Variants in COL6A3 observed in about 807,000 individuals in gnomAD.
The protein encoded by COL6A3 is collagen type VI alpha 3 chain.
In COL6A3, 137 loss-of-function variants were observed where a neutral mutation model predicts 274.1. The ratio of observed to expected loss-of-function variants is 0.50; its 90% CI spans 0.44 to 0.58. The LOEUF is 0.58. Ranked by LOEUF, COL6A3 falls within the 20% of genes least tolerant of loss-of-function variation. The probability of loss-of-function intolerance (pLI) is 0.00; values close to 1 mark genes in which losing one functional copy is unlikely to be tolerated. For synonymous variants in COL6A3, 1,650 were observed against 1,650.6 expected (o/e 1.00, Z 0.01); for missense variants, 3,950 against 4,124.9 (o/e 0.96, Z 1.16).
rs886043891 is a variant in COL6A3 at position 237,342,102 on chromosome 2, G to A, written c.7728C>T (p.Asp2576=). 16 of 1,614,252 alleles carry A rather than the reference G, an allele frequency of 9.9e-6. No individual in the cohort carries two copies. The highest frequency in any genetic ancestry group is 1.3e-5 in the Non-Finnish European group (15 of 1,180,046). The part of the protein sequence containing the change: ...LVLPAGRDLT[D]FLENVLTCHV... ...GACACGTGAGGACATTCTCCAGGAA[G>A]TCTGTGAGGTCTCTCCCTGCAGGCA... Residue 2576 remains aspartate, a synonymous_variant, in exon 37 of 44, where the codon GAC becomes GAT. Transcript: ENST00000295550.
Position 237,344,779 on chromosome 2 carries a change from G to A in COL6A3, c.7239C>T (p.Val2413=). 1 of 1,604,754 alleles carries A rather than the reference G, an allele frequency of 6.2e-7. No individual in the cohort carries two copies. Among genetic ancestry groups the A allele is most frequent in the Non-Finnish European group, 8.5e-7 (1 of 1,176,082 alleles). ...LAFALDTSEG[V]NQDTFGRMRD... ...GCATCCGGCCGAAAGTGTCTTGGTT[G>A]ACTCCCTCAGAGGTGTCTAAAGCAA... Residue 2413 remains valine, a synonymous_variant, in exon 36 of 44, where the codon GTC becomes GTT. Coordinates refer to ENST00000295550, the MANE Select transcript of COL6A3 (RefSeq NM_004369.4). The surrounding 1 kb of genome is among the most constrained non-coding windows in gnomAD (Gnocchi z 4.8).
In COL6A3 at chr2:237,367,092, T is replaced by C; in HGVS notation, c.5095A>G (p.Lys1699Glu). 6.2e-7 allele frequency: 1 copy of C among 1,614,218 alleles called. No homozygotes were observed. The highest frequency in any genetic ancestry group is 1.1e-5 in the South Asian group (1 of 91,076). The change falls in exon 11 of 44, where the codon AAG becomes GAG. Residue 1699 changes from lysine to glutamate, a missense_variant. This residue lies in a region of COL6A3 where 632 missense variants were observed against 623.4 expected (regional missense o/e 1.01). Transcript: ENST00000295550. ...DEFFLKDFST[K>E]RQIIDAINKV... ...TTGATGGCGTCAATAATCTGCCTCT[T>C]GGTAGAGAAGTCCTTCAGGAAGAAT...
At chr2:237,353,272 C>T in intron 25 of COL6A3, 69 bp downstream of exon 25, 3 of 1,469,004 alleles carry the variant, frequency 2.0e-6, no homozygotes, top group Non-Finnish European at 2.8e-6. Context: ...GATATAAATG[C>T]CACCCAATCA....
At chr2:237,352,477 C>A (rs376326192) in intron 26 of COL6A3, 45 bp downstream of exon 26, 1 of 1,566,026 alleles carries the variant, frequency 6.4e-7, no homozygotes, top group Admixed American at 1.7e-5. Flanking sequence ...TGGCAATGTG[C>A]CCTCTGTTCA....
In COL6A3 at chr2:237,368,799, T is replaced by C. The variant is rs753228959; in HGVS notation, c.4664A>G (p.Asp1555Gly). 2 of 1,614,196 alleles carry C rather than the reference T, an allele frequency of 1.2e-6. No homozygotes were observed. The highest frequency in any genetic ancestry group is 2.2e-5 in the South Asian group (2 of 91,078). Reference sequence around the variant, plus strand: ...GATCACCTGGGCGAACCTGGACACATCGTCCTGGGATTTTCCACCCAGGAC... The same window carrying C: ...GATCACCTGGGCGAACCTGGACACACCGTCCTGGGATTTTCCACCCAGGAC... The part of the protein sequence containing the change: ...VLVLGGKSQD[D>G]VSRFAQVIRS... Residue 1555 changes from aspartate (D) to glycine (G), a missense_variant, in exon 10 of 44, where the codon GAT becomes GGT. Physicochemically the swap from Asp to Gly is moderately conservative, Grantham distance 94. This residue lies in a region of COL6A3 where 632 missense variants were observed against 623.4 expected (regional missense o/e 1.01). Transcript: ENST00000295550. The surrounding 1 kb of genome is among the most constrained non-coding windows in gnomAD (Gnocchi z 4.4).
chr2:237,405,011 G>A (rs1035406641), intron 1 of COL6A3, among the ~76,000 whole-genome samples: 1 of 152,124 alleles, frequency 6.6e-6, no homozygotes, highest in Non-Finnish European at 1.5e-5. Context: ...TAAATACACT[G>A]TGCACAGGAA....
In COL6A3 at chr2:237,378,924, T is replaced by G; in HGVS notation, c.2209A>C (p.Ser737Arg). The change falls in exon 6 of 44, where the codon AGC (serine) becomes CGC (arginine). Residue 737 changes from serine to arginine, a missense_variant. Physicochemically the swap from Ser to Arg is moderately radical, Grantham distance 110. Coordinates refer to ENST00000295550, the MANE Select transcript of COL6A3 (RefSeq NM_004369.4). ...YANHFTEAGG[S>R]RIREHVPQLL... ...TGCGGCACGTGTTCACGGATCCTGC[T>G]GCCGCCAGCTTCCGTGAAGTGGTTG... is the stretch of plus-strand genomic sequence containing the variant. The G allele has an allele frequency of 6.2e-7, 1 of 1,614,242 alleles. No individual in the cohort carries two copies. Among genetic ancestry groups the G allele is most frequent in the Non-Finnish European group, 8.5e-7 (1 of 1,180,038 alleles).
rs773052144 is a variant in COL6A3 at position 237,334,808 on chromosome 2, C to G, written c.9047G>C (p.Gly3016Ala). The change falls in exon 41 of 44, where the codon GGT (glycine) becomes GCT (alanine). Residue 3016 changes from glycine to alanine, a missense_variant. This residue lies in a region of COL6A3 where 1,284 missense variants were observed against 1,349.7 expected (regional missense o/e 0.95). Coordinates refer to ENST00000295550, the MANE Select transcript of COL6A3 (RefSeq NM_004369.4). ...KLHWERAEPP[G>A]PYFYDLTVTS... ...GACGGTGAGGTCATAAAAATAAGGA[C>G]CGGGGGGCTCAGCCCTCTCCCAGTG... 3 of 1,614,032 alleles carry G rather than the reference C, an allele frequency of 1.9e-6. No homozygotes were observed. Among genetic ancestry groups the G allele is most frequent in the Non-Finnish European group, 2.5e-6 (3 of 1,180,030 alleles).
intron 26 of COL6A3, 92 bp downstream of exon 26, chr2:237,352,430 T>C (rs573430062): frequency 1.7e-4 from 217 of 1,288,044 alleles, no homozygotes; most frequent in South Asian, 1.2e-3. Context: ...GAGGTCTGTC[T>C]ACAATAGCAT....
intron 1 of COL6A3, among the ~76,000 whole-genome samples, chr2:237,402,065 T>C (rs1181942786): frequency 1.3e-5 from 2 of 152,204 alleles, no homozygotes; most frequent in Admixed American, 1.3e-4. Context: ...TCCTTTTATC[T>C]ACTACAACAT....
At chr2:237,353,701 G>A (rs756503807) in intron 24 of COL6A3, among the ~76,000 whole-genome samples, 3 of 152,128 alleles carry the variant, frequency 2.0e-5, no homozygotes, top group African/African-American at 7.2e-5. Flanking sequence ...GGGAAGTTGC[G>A]GGTTGCTGAT....
chr2:237,327,984 A>G (rs1364602864), intron 42 of COL6A3: 3 of 152,050 alleles, frequency 2.0e-5, no homozygotes, highest in Admixed American at 6.5e-5. Flanking sequence ...TCTGCCCCCC[A>G]GGTATAACCT....
intron 6 of COL6A3, among the ~76,000 whole-genome samples, chr2:237,378,117 CAAT>C (rs1006878722): frequency 1.3e-5 from 2 of 152,146 alleles, no homozygotes; most frequent in African/African-American, 4.8e-5. Context: ...TAATAATTTG[CAAT>C]AATAATAATA....
At chr2:237,380,774 TG>T in intron 5 of COL6A3, 140 bp downstream of exon 5, 1 of 816,362 alleles carries the variant, frequency 1.2e-6, no homozygotes, top group Non-Finnish European at 2.0e-6. Context: ...AAAGGAAACC[TG>T]GAATAAATCA....
intron 43 of COL6A3, 85 bp downstream of exon 43, chr2:237,325,475 T>C (rs1158961766): frequency 3.6e-6 from 5 of 1,392,100 alleles, no homozygotes; most frequent in African/African-American, 1.4e-5. Context: ...ATCATAATCA[T>C]TGCACTTCTA....
In COL6A3 at chr2:237,357,418, T is replaced by G. The variant is rs2077342048; in HGVS notation, c.6538-27A>C. On this transcript the variant is annotated intron_variant, in intron 22 of 43. Transcript: ENST00000295550. ...TGGTGTGGGGAAAATTAGCATGAGA[T>G]TCTCATCTGCAGAGAAGAATGTCTA... The G allele has an allele frequency of 1.9e-6, 3 of 1,588,548 alleles. No individual in the cohort carries two copies. In the East Asian group the frequency reaches 6.7e-5, roughly 36 times the overall value.
chr2:237,370,472 C>G (rs954069608), intron 9 of COL6A3, among the ~76,000 whole-genome samples: 1 of 151,874 alleles, frequency 6.6e-6, no homozygotes, highest in African/African-American at 2.4e-5. Context: ...CTCCTGGCCT[C>G]ATGATCAGCC....
At chr2:237,404,293 A>AT (rs2078669477) in intron 1 of COL6A3, among the ~76,000 whole-genome samples, 1 of 152,084 alleles carries the variant, frequency 6.6e-6, no homozygotes. Context: ...TTTTCTGGAG[A>AT]TAAGGGTCCA....
chr2:237,355,665 C>T (rs557655974), intron 23 of COL6A3: 5 of 152,288 alleles, frequency 3.3e-5, no homozygotes, highest in Admixed American at 2.0e-4. Context: ...AGGCTGTGAC[C>T]GACTAGCTCT....
Sources: gnomAD v4.1 joint callset for allele counts (sites outside exome capture counted in the v4.1 genomes callset) on GRCh38, gnomAD v4.1.1 for gene constraint, gnomAD v4.1.1 regional missense constraint, Gnocchi (gnomAD v3.1) non-coding constraint, MANE v1.5 for transcripts, NCBI Gene and HGNC (gene_info 2026-07-23, HGNC 2026-07-21) for gene names.